Variants in STX11 observed in about 807,000 individuals in gnomAD.
STX11 encodes syntaxin 11, also known as syntaxin-11.
In STX11, 21 loss-of-function variants were observed where a neutral mutation model predicts 19.9. The observed-to-expected ratio is 1.06, with a 90% CI of 0.75 to 1.52. STX11 has a LOEUF of 1.52. Among genes scored for constraint, STX11 ranks in the 40% most tolerant of loss-of-function variants. The probability of loss-of-function intolerance (pLI) is 0.00; values close to 1 mark genes in which losing one functional copy is unlikely to be tolerated. For missense variants in STX11, 438 were observed against 405.9 expected, an observed-to-expected ratio of 1.08 and a Z score of -0.68; for synonymous variants, 193 against 174.4, an observed-to-expected ratio of 1.11 and a Z score of -0.84.
rs2128748893 is a variant in STX11 at position 144,160,530 on chromosome 6, C to G, written c.-6+9827C>G. Among the ~76,000 whole-genome samples, 1 of 152,158 alleles carries G rather than the reference C, an allele frequency of 6.6e-6. No homozygotes were observed. Among genetic ancestry groups the G allele is most frequent in the African/African-American group, 2.4e-5 (1 of 41,504 alleles). On this transcript the variant is annotated intron_variant, in intron 1 of 1. Coordinates refer to ENST00000367568, the MANE Select transcript of STX11 (RefSeq NM_003764.4). The surrounding 1 kb of genome is among the most constrained non-coding windows in gnomAD (Gnocchi z 4.3). The stretch of plus-strand genomic sequence containing the variant: ...ACCAGATTCGTTCTCTAGTAAGAAC[C>G]TATTTCTTGTTTAACCTGACATCAC...
In STX11 at chr6:144,175,047, G is replaced by A. The variant is rs112496231; in HGVS notation, c.-5-11576G>A. Among the ~76,000 whole-genome samples, 4 of 152,144 alleles carry A rather than the reference G, an allele frequency of 2.6e-5. No individual in the cohort carries two copies. The highest frequency in any genetic ancestry group is 1.9e-4 in the East Asian group (1 of 5,142). ...GTGGATCACTTGAGGCCAAGAGTTC[G>A]AGACCAACCTGGCCAATGTAATGAA... On this transcript the variant is annotated intron_variant, in intron 1 of 1. Coordinates refer to ENST00000367568, the MANE Select transcript of STX11 (RefSeq NM_003764.4). The surrounding 1 kb of genome is among the most constrained non-coding windows in gnomAD (Gnocchi z 5.1).
rs1389068705 is a variant in STX11 at position 144,152,655 on chromosome 6, CAG to C, written c.-6+1955_-6+1956del. Among the ~76,000 whole-genome samples the C allele has an allele frequency of 1.3e-5, 2 of 152,154 alleles. No individual in the cohort carries two copies. ...TTTTGTTTTGTTTTGTTTTTTGAGA[CAG>C]AGTCTCACTCTGTTGCCCCAGGCTG... On this transcript the variant is annotated intron_variant, in intron 1 of 1. Transcript: ENST00000367568. This position sits in a 1 kb window ranked among gnomAD's most constrained non-coding sequence, Gnocchi z 4.9.
chr6:144,190,185 C>T lies in STX11; in HGVS notation c.*2694C>T, dbSNP rs557047251. 6.6e-6 allele frequency among the ~76,000 whole-genome samples: 1 copy of T among 152,220 alleles called. No homozygotes were observed. The highest frequency in any genetic ancestry group is 2.1e-4 in the South Asian group (1 of 4,822). ...CTGTTTGGGAACCATCTCAGTGTGG[C>T]GTAATGGTTAGGAGTACAGATTCCA... On this transcript the variant is annotated 3_prime_UTR_variant, in exon 2 of 2. Coordinates refer to ENST00000367568, the MANE Select transcript of STX11 (RefSeq NM_003764.4).
rs1462205132 is a variant in STX11 at position 144,153,310 on chromosome 6, T to C, written c.-6+2607T>C. Among the ~76,000 whole-genome samples the C allele has an allele frequency of 6.6e-6, 1 of 152,216 alleles. No individual in the cohort carries two copies. The highest frequency in any genetic ancestry group is 2.4e-5 in the African/African-American group (1 of 41,454). On this transcript the variant is annotated intron_variant, in intron 1 of 1. Transcript: ENST00000367568. The surrounding 1 kb of genome is among the most constrained non-coding windows in gnomAD (Gnocchi z 5.0). Reference sequence around the variant, plus strand: ...ACTCCCTGAACTTGGCCCAGGCTTGTCTCATGATAAGTGTTAGAAAGTGTT... The same window carrying C: ...ACTCCCTGAACTTGGCCCAGGCTTGCCTCATGATAAGTGTTAGAAAGTGTT...
At chr6:144,147,898 G>T (rs1314730342), upstream of STX11, among the ~76,000 whole-genome samples, 1 of 152,048 alleles carries the variant, frequency 6.6e-6, no homozygotes, top group African/African-American at 2.4e-5. The surrounding 1 kb of genome is among the most constrained non-coding windows in gnomAD (Gnocchi z 4.2). Context: ...AGAGTGAGCT[G>T]CTGTCTCAAA....
rs1174450159 is a variant in STX11, at chr6:144,186,159, G to A, written c.-5-464G>A. On this transcript the variant is annotated intron_variant, in intron 1 of 1. Coordinates refer to ENST00000367568, the MANE Select transcript of STX11 (RefSeq NM_003764.4). ...CAATCTAAAATTTTCACACACCAGG[G>A]CCTGTTGTGGGGTGGGGGGAGGGGG... 6.0e-5 allele frequency among the ~76,000 whole-genome samples: 7 copies of A among 116,210 alleles called. No individual in the cohort carries two copies. In the East Asian group the frequency reaches 1.5e-3, roughly 25 times the overall value. 76.2% of individuals were successfully genotyped at this position (116,210 alleles called of 152,430 possible). A position where few individuals can be genotyped will look rare whatever the true frequency, so the allele number is the denominator to read the frequency against.
At position 144,151,288 on chromosome 6, in the gene STX11, G is replaced by T; in HGVS notation, c.-6+585G>T. ...CTGCGAGAGCCACGCCGTCCTGAGAGGGAATTCTGCCTTTTTCTAGACTCC... is the reference window on the plus strand; with the variant it reads ...CTGCGAGAGCCACGCCGTCCTGAGATGGAATTCTGCCTTTTTCTAGACTCC... On this transcript the variant is annotated intron_variant, in intron 1 of 1. Transcript: ENST00000367568. This position sits in a 1 kb window ranked among gnomAD's most constrained non-coding sequence, Gnocchi z 4.6. 1 of 985,404 alleles carries T rather than the reference G, an allele frequency of 1.0e-6. No homozygotes were observed. Among genetic ancestry groups the T allele is most frequent in the Non-Finnish European group, 1.2e-6 (1 of 829,920 alleles). 61.0% of individuals were successfully genotyped at this position (985,404 alleles called of 1,614,324 possible).
Position 144,189,001 on chromosome 6 carries a change from C to T in STX11, c.*1510C>T, listed in dbSNP as rs1356072366. 2.0e-5 allele frequency among the ~76,000 whole-genome samples: 3 copies of T among 151,982 alleles called. No individual in the cohort carries two copies. The highest frequency in any genetic ancestry group is 2.1e-4 in the South Asian group (1 of 4,830). On this transcript the variant is annotated 3_prime_UTR_variant, in exon 2 of 2. Coordinates refer to ENST00000367568, the MANE Select transcript of STX11 (RefSeq NM_003764.4). ...TCAGCCTCCCATAGTGCTGGGATTA[C>T]AGGTGTGAGCCACCATGCCTGGCCT...
chr6:144,187,999 C>T lies in STX11; in HGVS notation c.*508C>T, dbSNP rs930050884. The stretch of plus-strand genomic sequence containing the variant: ...CCTTTCCGATTCTTCATCCGGTCTA[C>T]GCTATGCAATTCCTCCCCAAATATA... On this transcript the variant is annotated 3_prime_UTR_variant, in exon 2 of 2. Transcript: ENST00000367568. The surrounding 1 kb of genome is among the most constrained non-coding windows in gnomAD (Gnocchi z 5.6). The T allele has an allele frequency of 7.7e-6, 2 of 258,560 alleles. No individual in the cohort carries two copies. The highest frequency in any genetic ancestry group is 1.6e-5 in the Non-Finnish European group (2 of 123,682). The allele number at this position is 258,560 out of a possible 1,614,324, so 16.0% of individuals were successfully genotyped here.
At chr6:144,178,545 T>C (rs1801829356) in intron 1 of STX11, among the ~76,000 whole-genome samples, 1 of 152,152 alleles carries the variant, frequency 6.6e-6, no homozygotes, top group Non-Finnish European at 1.5e-5. Flanking sequence ...TGGCAGAAAA[T>C]TCTGATTGAG....
rs767181803 is a variant in STX11, at chr6:144,167,600, TCTC to T, written c.-6+16900_-6+16902del. On this transcript the variant is annotated intron_variant, in intron 1 of 1. Transcript: ENST00000367568. The surrounding 1 kb of genome is among the most constrained non-coding windows in gnomAD (Gnocchi z 5.0). ...TACATGCTGCTGATAAGCAATCACT[TCTC>T]CTTTTTTTCATTTCTTTTTTATTTT... Among the ~76,000 whole-genome samples, 1 of 152,122 alleles carries T rather than the reference TCTC, an allele frequency of 6.6e-6. No individual in the cohort carries two copies. Among genetic ancestry groups the T allele is most frequent in the East Asian group, 1.9e-4 (1 of 5,192 alleles).
At chr6:144,164,368 G>A (rs73582943) in intron 1 of STX11, among the ~76,000 whole-genome samples, 3,241 of 152,284 alleles carry the variant, frequency 0.021, 97 homozygotes, top group African/African-American at 0.072. Flanking sequence ...CTCAACATAA[G>A]TAAAAGTGAA....
chr6:144,181,947 T>C (rs1406632617), intron 1 of STX11, among the ~76,000 whole-genome samples: 1 of 152,206 alleles, frequency 6.6e-6, no homozygotes, highest in Non-Finnish European at 1.5e-5. Flanking sequence ...GAAGCAGATT[T>C]TTGGTAGTTG....
chr6:144,187,031 T>G lies in STX11; in HGVS notation c.404T>G (p.Leu135Arg), dbSNP rs759002869. ...ATTTCGCGGGCGCAGTACAACGCGC[T>G]CACCCTCACCTTCCAGCGCGCCATG... ...ARISRAQYNA[L>R]TLTFQRAMHD... The change falls in exon 2 of 2, where the codon CTC becomes CGC. Residue 135 changes from leucine to arginine, a missense_variant. Transcript: ENST00000367568. The surrounding 1 kb of genome is among the most constrained non-coding windows in gnomAD (Gnocchi z 5.6). The G allele has an allele frequency of 2.5e-6, 4 of 1,612,348 alleles. No individual in the cohort carries two copies. In the African/African-American group the frequency reaches 4.0e-5, roughly 16 times the overall value.
Position 144,187,051 on chromosome 6 carries a change from G to A in STX11, c.424G>A (p.Ala142Thr). 1 of 1,613,130 alleles carries A rather than the reference G, an allele frequency of 6.2e-7. No homozygotes were observed. The highest frequency in any genetic ancestry group is 1.1e-5 in the South Asian group (1 of 91,088). ...CGCGCTCACCCTCACCTTCCAGCGC[G>A]CCATGCACGACTACAACCAGGCCGA... ...YNALTLTFQRAMHDYNQAEMK... is the reference protein window; with the variant it reads ...YNALTLTFQRTMHDYNQAEMK... The change falls in exon 2 of 2, where the codon GCC becomes ACC. Residue 142 changes from alanine (A) to threonine (T), a missense_variant. Transcript: ENST00000367568. This position sits in a 1 kb window ranked among gnomAD's most constrained non-coding sequence, Gnocchi z 5.6.
rs1001802177 is a variant in STX11, at chr6:144,180,599, C to T, written c.-5-6024C>T. On this transcript the variant is annotated intron_variant, in intron 1 of 1. Coordinates refer to ENST00000367568, the MANE Select transcript of STX11 (RefSeq NM_003764.4). The surrounding 1 kb of genome is among the most constrained non-coding windows in gnomAD (Gnocchi z 5.3). Reference sequence around the variant, plus strand: ...CAATGTAAGAAGTGCCTTTCACCTCCCACTATGACTCTGGGGCCTCCCCAG... The same window carrying T: ...CAATGTAAGAAGTGCCTTTCACCTCTCACTATGACTCTGGGGCCTCCCCAG... 1.3e-5 allele frequency among the ~76,000 whole-genome samples: 2 copies of T among 152,196 alleles called. No individual in the cohort carries two copies. Among genetic ancestry groups the T allele is most frequent in the African/African-American group, 2.4e-5 (1 of 41,446 alleles).
chr6:144,179,807 C>T (rs938414590), intron 1 of STX11, among the ~76,000 whole-genome samples: 1 of 152,198 alleles, frequency 6.6e-6, no homozygotes, highest in Non-Finnish European at 1.5e-5. Context: ...AGTGGACCTT[C>T]TGATTTGTAA....
rs1035969129 is a variant in STX11, at chr6:144,160,823, C to A, written c.-6+10120C>A. ...TTATAGTGCAAGTGAACATTTAACT[C>A]AGGCTTGAAGTATGACTTCAAGTGA... On this transcript the variant is annotated intron_variant, in intron 1 of 1. Transcript: ENST00000367568. This position sits in a 1 kb window ranked among gnomAD's most constrained non-coding sequence, Gnocchi z 4.3. Among the ~76,000 whole-genome samples the A allele has an allele frequency of 6.6e-6, 1 of 152,108 alleles. No individual in the cohort carries two copies. The highest frequency in any genetic ancestry group is 2.4e-5 in the African/African-American group (1 of 41,396).
Position 144,155,240 on chromosome 6 carries a change from A to G in STX11, c.-6+4537A>G, listed in dbSNP as rs980450917. On this transcript the variant is annotated intron_variant, in intron 1 of 1. Coordinates refer to ENST00000367568, the MANE Select transcript of STX11 (RefSeq NM_003764.4). The surrounding 1 kb of genome is among the most constrained non-coding windows in gnomAD (Gnocchi z 4.5). Reference sequence around the variant, plus strand: ...GTTTAAAACGCCCAATTAATGTTGTACCCAAACTGAATCAGCAAACTCACT... The same window carrying G: ...GTTTAAAACGCCCAATTAATGTTGTGCCCAAACTGAATCAGCAAACTCACT... 1.3e-5 allele frequency among the ~76,000 whole-genome samples: 2 copies of G among 152,188 alleles called. No individual in the cohort carries two copies. The highest frequency in any genetic ancestry group is 4.8e-5 in the African/African-American group (2 of 41,450).
Sources: allele counts gnomAD v4.1 joint callset (sites outside exome capture counted in the v4.1 genomes callset), GRCh38; gene constraint gnomAD v4.1.1; non-coding constraint Gnocchi (gnomAD v3.1); transcripts MANE v1.5; gene names NCBI Gene and HGNC (gene_info 2026-07-23, HGNC 2026-07-21).